Variants in XKR6 observed in about 807,000 individuals in gnomAD.
The protein encoded by XKR6 is XK related 6.
Under a neutral mutation model 56.7 loss-of-function variants are expected in XKR6, and 22 were observed. The observed-to-expected ratio is 0.39, with a 90% CI of 0.28 to 0.55. The LOEUF (loss-of-function observed/expected upper bound fraction) is 0.55, where lower values mean the gene tolerates loss of function less well. Among genes scored for constraint, XKR6 ranks in the 20% least tolerant of loss-of-function variants. The pLI is 0.66. For synonymous variants in XKR6, 524 were observed against 387.8 expected, an observed-to-expected ratio of 1.35 and a Z score of -4.13; for missense variants, 852 against 889.0, an observed-to-expected ratio of 0.96 and a Z score of 0.53.
chr8:11,033,402 AGTGATG>A (rs1194150446), intron 1 of XKR6, among the ~76,000 whole-genome samples: 1 of 132,784 alleles, frequency 7.5e-6, no homozygotes, highest in Non-Finnish European at 1.6e-5. Context: ...TGATGACGAT[AGTGATG>A]GTGATGATGA....
chr8:11,089,990 T>G (rs979472423), intron 1 of XKR6, among the ~76,000 whole-genome samples: 5 of 152,256 alleles, frequency 3.3e-5, no homozygotes, highest in African/African-American at 9.6e-5. Flanking sequence ...TTCACTCAAC[T>G]TTTTTTCACA....
At chr8:11,149,931 G>C (rs1431780355) in intron 1 of XKR6, among the ~76,000 whole-genome samples, 1 of 152,206 alleles carries the variant, frequency 6.6e-6, no homozygotes, top group Admixed American at 6.5e-5. Context: ...CGTTTGCAGC[G>C]TCATGGATGA....
chr8:10,999,375 T>C (rs1798188665), intron 1 of XKR6, among the ~76,000 whole-genome samples: 1 of 152,332 alleles, frequency 6.6e-6, no homozygotes, highest in South Asian at 2.1e-4. Context: ...GGATACAAAT[T>C]GTATTTAGAA....
chr8:11,154,396 C>T (rs1164511305), intron 1 of XKR6, among the ~76,000 whole-genome samples: 2 of 152,272 alleles, frequency 1.3e-5, no homozygotes, highest in Non-Finnish European at 2.9e-5. Flanking sequence ...AATGCCCAGC[C>T]TCCATGGAAG....
chr8:11,154,229 G>C (rs1801398045), intron 1 of XKR6, among the ~76,000 whole-genome samples: 1 of 152,210 alleles, frequency 6.6e-6, no homozygotes, highest in African/African-American at 2.4e-5. Context: ...GATACCAGTA[G>C]ACATGGTGAC....
intron 1 of XKR6, among the ~76,000 whole-genome samples, chr8:11,196,886 C>A (rs1803919757): frequency 6.6e-6 from 1 of 152,094 alleles, no homozygotes; most frequent in African/African-American, 2.4e-5. Context: ...ACTAAGTATC[C>A]CTACATAGAG....
chr8:11,133,704 C>T (rs766317641), intron 1 of XKR6, among the ~76,000 whole-genome samples: 1 of 151,650 alleles, frequency 6.6e-6, no homozygotes, highest in Non-Finnish European at 1.5e-5. Context: ...CTGAAATACC[C>T]TATGTTGAAA....
At chr8:11,150,662 G>A (rs1417784868) in intron 1 of XKR6, among the ~76,000 whole-genome samples, 1 of 151,964 alleles carries the variant, frequency 6.6e-6, no homozygotes, top group African/African-American at 2.4e-5. Context: ...AGAGCAGCCT[G>A]GCCAACATGG....
At chr8:10,943,474 C>T (rs563941945) in intron 1 of XKR6, among the ~76,000 whole-genome samples, 1 of 152,308 alleles carries the variant, frequency 6.6e-6, no homozygotes, top group East Asian at 1.9e-4. Context: ...ATCCCCAGAC[C>T]TTCCTAAGGG....
At chr8:11,153,898 G>A (rs913406917) in intron 1 of XKR6, among the ~76,000 whole-genome samples, 2 of 152,106 alleles carry the variant, frequency 1.3e-5, no homozygotes, top group African/African-American at 4.8e-5. Flanking sequence ...CCATTACCAG[G>A]GGTGAAACGA....
At chr8:10,997,205 A>G (rs578237970) in intron 1 of XKR6, among the ~76,000 whole-genome samples, 20 of 152,298 alleles carry the variant, frequency 1.3e-4, no homozygotes, top group Non-Finnish European at 2.2e-4. Flanking sequence ...AGACACACAG[A>G]GCACCAAGTT....
chr8:11,182,213 T>A (rs1376030463), intron 1 of XKR6, among the ~76,000 whole-genome samples: 1 of 152,212 alleles, frequency 6.6e-6, no homozygotes, highest in Non-Finnish European at 1.5e-5. Context: ...GCTGTTGACC[T>A]TGCTATAAGG....
In XKR6 at chr8:11,036,670, T is replaced by C. The variant is rs377384664; in HGVS notation, c.765-111840A>G. On this transcript the variant is annotated intron_variant, in intron 1 of 2. Coordinates refer to ENST00000416569, the MANE Select transcript of XKR6 (RefSeq NM_173683.4). ...GCTCTCAAGAGTTGGGGGTGAGTGTTCTTTGGAGGGTTCAACAGAAGTTTA... is the reference window on the plus strand; with the variant it reads ...GCTCTCAAGAGTTGGGGGTGAGTGTCCTTTGGAGGGTTCAACAGAAGTTTA... Among the ~76,000 whole-genome samples the C allele has an allele frequency of 2.0e-5, 3 of 152,250 alleles. No individual in the cohort carries two copies. The East Asian group carries it at 5.8e-4, about 29-fold the overall frequency.
chr8:10,924,695 C>G lies in XKR6; in HGVS notation c.900G>C (p.Ala300=). ...TGTAGAGCTGTAGCACCAGTTGGGGCGCGCTCTCCAGGAAGGTCTCCAGGA... is the reference window on the plus strand; with the variant it reads ...TGTAGAGCTGTAGCACCAGTTGGGGGGCGCTCTCCAGGAAGGTCTCCAGGA... ...LRLLETFLES[A]PQLVLQLYIM... Residue 300 remains alanine (A), a synonymous_variant, in exon 2 of 3, where the codon GCG becomes GCC. Coordinates refer to ENST00000416569, the MANE Select transcript of XKR6 (RefSeq NM_173683.4). 6.2e-7 allele frequency: 1 copy of G among 1,613,314 alleles called. No homozygotes were observed. Among genetic ancestry groups the G allele is most frequent in the Non-Finnish European group, 8.5e-7 (1 of 1,179,964 alleles).
intron 1 of XKR6, among the ~76,000 whole-genome samples, chr8:10,977,726 G>A (rs1320270797): frequency 6.6e-6 from 1 of 150,936 alleles, no homozygotes; most frequent in Non-Finnish European, 1.5e-5. Flanking sequence ...CATAGAACGA[G>A]GAGAAGTTTT....
intron 1 of XKR6, chr8:11,108,166 A>C (rs931167536): frequency 2.9e-5 from 12 of 409,298 alleles, no homozygotes; most frequent in Non-Finnish European, 5.3e-5. Flanking sequence ...AATCGGGTGC[A>C]TCTGTTCTGT....
chr8:11,201,046 G>A lies in XKR6; in HGVS notation c.294C>T (p.Pro98=). 4.1e-6 allele frequency: 5 copies of A among 1,212,234 alleles called. No homozygotes were observed. Among genetic ancestry groups the A allele is most frequent in the Non-Finnish European group, 5.1e-6 (5 of 979,396 alleles). 75.1% of individuals were successfully genotyped at this position (1,212,234 alleles called of 1,614,324 possible). Reference sequence around the variant, plus strand: ...GTTGGCGGCCGGCGCCGGGGGCCGCGGGAGGCTGCAGCGGCTGGTCCCCCC... The same window carrying A: ...GTTGGCGGCCGGCGCCGGGGGCCGCAGGAGGCTGCAGCGGCTGGTCCCCCC... ...ADGGDQPLQP[P]AAPGAGRQPP... Residue 98 remains proline, a synonymous_variant, in exon 1 of 3, where the codon CCC becomes CCT. Coordinates refer to ENST00000416569, the MANE Select transcript of XKR6 (RefSeq NM_173683.4).
intron 1 of XKR6, among the ~76,000 whole-genome samples, chr8:11,196,205 C>T (rs574616734): frequency 1.3e-5 from 2 of 152,268 alleles, no homozygotes; most frequent in South Asian, 4.1e-4. Context: ...GATCACTTAT[C>T]CCAACACCAC....
intron 1 of XKR6, among the ~76,000 whole-genome samples, chr8:11,000,751 G>GCT (rs1282441265): frequency 6.6e-6 from 1 of 152,160 alleles, no homozygotes; most frequent in African/African-American, 2.4e-5. Context: ...CTACACGAGA[G>GCT]CTCTCTCTGC....
Sources: allele counts gnomAD v4.1 joint callset (sites outside exome capture counted in the v4.1 genomes callset), GRCh38; gene constraint gnomAD v4.1.1; transcripts MANE v1.5; gene names NCBI Gene and HGNC (gene_info 2026-07-23, HGNC 2026-07-21).